Variants in AP3B1 observed in about 807,000 individuals in gnomAD.
AP3B1 encodes AP-3 complex subunit beta-1.
A neutral mutation model predicts 132.5 loss-of-function variants in AP3B1; 61 were observed. The observed-to-expected ratio is 0.46, with a 90% confidence interval of 0.37 to 0.57. The LOEUF (loss-of-function observed/expected upper bound fraction) is 0.57. AP3B1 is among the 20% of genes least tolerant of loss of function. The pLI is 0.00. For missense variants in AP3B1, 1,120 were observed against 1,289.4 expected (o/e 0.87, Z 2.01); for synonymous variants, 388 against 438.3 (o/e 0.89, Z 1.43).
At chr5:78,010,479 G>A (rs899670886) in intron 26 of AP3B1, among the ~76,000 whole-genome samples, 4 of 152,118 alleles carry the variant, frequency 2.6e-5, no homozygotes, top group Non-Finnish European at 5.9e-5. Flanking sequence ...AAACCTTAGC[G>A]ATTTCGGAGC....
At position 78,009,734 on chromosome 5, in the gene AP3B1, G is replaced by A. The variant is rs182154938; in HGVS notation, c.3131+5676C>T. Reference sequence around the variant, plus strand: ...GTAAAAGCTTGCAAATTTAAAAAGTGACAGGATAAACAAAATCCAAATTAC... The same window carrying A: ...GTAAAAGCTTGCAAATTTAAAAAGTAACAGGATAAACAAAATCCAAATTAC... On this transcript the variant is annotated intron_variant, in intron 26 of 26. Coordinates refer to ENST00000255194, the MANE Select transcript of AP3B1 (RefSeq NM_003664.5). 2.2e-3 allele frequency among the ~76,000 whole-genome samples: 259 copies of A among 116,190 alleles called. 1 individual carries two copies. The highest frequency in any genetic ancestry group is 7.8e-3 in the African/African-American group (238 of 30,564). 76.2% of individuals were successfully genotyped at this position (116,190 alleles called of 152,430 possible).
chr5:78,029,480 G>A (rs1169397761), intron 24 of AP3B1, among the ~76,000 whole-genome samples: 1 of 151,582 alleles, frequency 6.6e-6, no homozygotes, highest in Non-Finnish European at 1.5e-5. Flanking sequence ...CTCATAAATA[G>A]CATATGTTAA....
At chr5:78,232,374 G>T (rs756507828) in intron 3 of AP3B1, among the ~76,000 whole-genome samples, 2 of 152,128 alleles carry the variant, frequency 1.3e-5, no homozygotes, top group Non-Finnish European at 2.9e-5. Context: ...GTGAAAGTTA[G>T]CCAGTCAGGA....
chr5:78,292,329 T>G (rs1469119884), intron 1 of AP3B1, among the ~76,000 whole-genome samples: 1 of 152,214 alleles, frequency 6.6e-6, no homozygotes, highest in African/African-American at 2.4e-5. Context: ...TGCAGGTCAA[T>G]AGCCAAATGT....
In AP3B1 at chr5:78,193,770, A is replaced by ATATTTTTTT; in HGVS notation, c.787-12109_787-12108insAAAAAAATA. 1.3e-3 allele frequency among the ~76,000 whole-genome samples: 86 copies of ATATTTTTTT among 67,192 alleles called. 2 individuals carry two copies. Among genetic ancestry groups the ATATTTTTTT allele is most frequent in the African/African-American group, 2.2e-3 (42 of 19,212 alleles). 44.1% of individuals were successfully genotyped at this position (67,192 alleles called of 152,430 possible). ...TATATATATATATATATATATATAT[A>ATATTTTTTT]TTTTTTTTTTAGACAGAGTCTCGCT... is the stretch of plus-strand genomic sequence containing the variant. On this transcript the variant is annotated intron_variant, in intron 7 of 26. Transcript: ENST00000255194.
At chr5:78,078,827 G>A (rs1749868435) in intron 22 of AP3B1, among the ~76,000 whole-genome samples, 1 of 152,166 alleles carries the variant, frequency 6.6e-6, no homozygotes, top group Admixed American at 6.5e-5. Context: ...GTTCAATAAA[G>A]CTTTTAAGTA....
chr5:78,121,958 G>C (rs1752225149), intron 17 of AP3B1: 1 of 152,232 alleles, frequency 6.6e-6, no homozygotes, highest in African/African-American at 2.4e-5. Flanking sequence ...TAAAATACTG[G>C]CAAACCGAAT....
At chr5:78,079,102 C>T (rs375059) in intron 22 of AP3B1, among the ~76,000 whole-genome samples, 36,644 of 152,050 alleles carry the variant, frequency 0.24, 4,651 homozygotes, top group Admixed American at 0.31. Flanking sequence ...TCTGGCTTTG[C>T]CAAAGGCAAA....
chr5:78,210,168 C>T (rs1356114790), intron 7 of AP3B1, among the ~76,000 whole-genome samples: 6 of 152,110 alleles, frequency 3.9e-5, no homozygotes, highest in African/African-American at 9.6e-5. Flanking sequence ...TCCACAGAAT[C>T]GTGGATCTAT....
chr5:78,259,383 G>C (rs568957985), intron 2 of AP3B1, among the ~76,000 whole-genome samples: 1 of 152,192 alleles, frequency 6.6e-6, no homozygotes, highest in Non-Finnish European at 1.5e-5. Context: ...AGGGAAGTGG[G>C]GGATACAGGG....
intron 26 of AP3B1, among the ~76,000 whole-genome samples, chr5:78,005,865 A>C (rs1746369319): frequency 1.3e-5 from 2 of 152,190 alleles, no homozygotes; most frequent in Admixed American, 1.3e-4. Flanking sequence ...ACATGCAAAA[A>C]ATAGTTATGG....
chr5:78,218,291 T>C (rs1746042113), intron 6 of AP3B1, among the ~76,000 whole-genome samples: 1 of 152,016 alleles, frequency 6.6e-6, no homozygotes. Flanking sequence ...AAAATACTGG[T>C]TTCCAAAAAA....
chr5:78,212,651 T>C (rs1263683543), intron 7 of AP3B1, among the ~76,000 whole-genome samples: 2 of 152,264 alleles, frequency 1.3e-5, no homozygotes, highest in East Asian at 1.9e-4. Flanking sequence ...CATTCAAGTG[T>C]TGATGGTAAA....
intron 3 of AP3B1, among the ~76,000 whole-genome samples, chr5:78,229,014 C>A (rs571004063): frequency 6.6e-6 from 1 of 152,260 alleles, no homozygotes; most frequent in East Asian, 1.9e-4. Flanking sequence ...CTCACTGCAG[C>A]CTCAACCTCC....
chr5:78,268,384 AT>A (rs1237811799), intron 1 of AP3B1, among the ~76,000 whole-genome samples: 1 of 152,208 alleles, frequency 6.6e-6, no homozygotes, highest in Non-Finnish European at 1.5e-5. Flanking sequence ...CCTTAAAAAA[AT>A]CTTACTGAAG....
chr5:78,236,708 A>G lies in AP3B1; in HGVS notation c.279+4154T>C, dbSNP rs149527350. Among the ~76,000 whole-genome samples, 19 of 152,356 alleles carry G rather than the reference A, an allele frequency of 1.2e-4. No homozygotes were observed. The East Asian group carries it at 3.7e-3, about 29-fold the overall frequency. On this transcript the variant is annotated intron_variant, in intron 3 of 26. Transcript: ENST00000255194. ...TGGTCAGACAGGTTTTTTTAATGTTAGCAATTATTCCTATTGCTACTAAGA... is the reference window on the plus strand; with the variant it reads ...TGGTCAGACAGGTTTTTTTAATGTTGGCAATTATTCCTATTGCTACTAAGA...
In AP3B1 at chr5:78,116,310, C is replaced by A. The variant is rs1416600384; in HGVS notation, c.1969-76G>T. The A allele has an allele frequency of 6.1e-6, 8 of 1,308,566 alleles. No individual in the cohort carries two copies. In the East Asian group the frequency reaches 1.9e-4, roughly 30 times the overall value. The allele number at this position is 1,308,566 out of a possible 1,614,324, so 81.1% of individuals were successfully genotyped here. ...GAGTTCTGGCAAACTTAATCATTAACAACATAACTGAATTCAAAAGCAAGC... is the reference window on the plus strand; with the variant it reads ...GAGTTCTGGCAAACTTAATCATTAAAAACATAACTGAATTCAAAAGCAAGC... On this transcript the variant is annotated intron_variant, in intron 17 of 26. Transcript: ENST00000255194.
At chr5:78,241,968 T>C (rs1280792010) in intron 2 of AP3B1, among the ~76,000 whole-genome samples, 1 of 152,230 alleles carries the variant, frequency 6.6e-6, no homozygotes, top group African/African-American at 2.4e-5. Context: ...GAACACATGT[T>C]AATCCCTTCC....
chr5:78,124,991 T>C (rs574106941), intron 17 of AP3B1, among the ~76,000 whole-genome samples: 4 of 152,262 alleles, frequency 2.6e-5, no homozygotes, highest in African/African-American at 9.6e-5. Flanking sequence ...ATTTGTATTG[T>C]GGTCCTTTAT....
Sources: allele counts gnomAD v4.1 joint callset (sites outside exome capture counted in the v4.1 genomes callset), GRCh38; gene constraint gnomAD v4.1.1; transcripts MANE v1.5; gene names NCBI Gene and HGNC (gene_info 2026-07-23, HGNC 2026-07-21).